The following IMMP2L variants were observed in gnomAD, a reference collection of about 807,000 sequenced individuals.
The protein encoded by IMMP2L is mitochondrial inner membrane protease subunit 2.
In IMMP2L, 18 loss-of-function variants were observed where a neutral mutation model predicts 19.3. The ratio of observed to expected loss-of-function variants is 0.93; its 90% CI spans 0.64 to 1.38. IMMP2L has a LOEUF of 1.38. Among genes scored for constraint, IMMP2L ranks in the 40% most tolerant of loss-of-function variants. IMMP2L has a pLI of 0.00. For missense variants in IMMP2L, 233 were observed against 218.2 expected (o/e 1.07, Z -0.43); for synonymous variants, 76 against 73.0 (o/e 1.04, Z -0.21).
rs766917793 is a variant in IMMP2L, at chr7:110,963,520, A to G, written c.285T>C (p.Ala95=). Residue 95 remains alanine (A), a synonymous_variant, in exon 4 of 6, where the codon GCT becomes GCC. Transcript: ENST00000405709. Reference sequence around the variant, plus strand: ...CTTACCTGACAATATCTCCTTCAAGAGCAATCACTCTCTTAATGATCTTCT... The same window carrying G: ...CTTACCTGACAATATCTCCTTCAAGGGCAATCACTCTCTTAATGATCTTCT... The part of the protein sequence containing the change: ...PEQKIIKRVI[A]LEGDIVRTIG... 1 of 1,603,476 alleles carries G rather than the reference A, an allele frequency of 6.2e-7. No individual in the cohort carries two copies. Among genetic ancestry groups the G allele is most frequent in the Non-Finnish European group, 8.5e-7 (1 of 1,172,438 alleles).
At chr7:111,393,818 T>C (rs894216830) in intron 3 of IMMP2L, among the ~76,000 whole-genome samples, 4 of 152,152 alleles carry the variant, frequency 2.6e-5, no homozygotes, top group African/African-American at 9.7e-5. Context: ...TGCAGACCCC[T>C]CCAAATCCTT....
At chr7:111,459,793 G>A (rs1421642237) in intron 3 of IMMP2L, among the ~76,000 whole-genome samples, 1 of 152,042 alleles carries the variant, frequency 6.6e-6, no homozygotes, top group Non-Finnish European at 1.5e-5. Flanking sequence ...AATTCACCGG[G>A]AACTCCCTCT....
intron 3 of IMMP2L, among the ~76,000 whole-genome samples, chr7:111,481,380 C>T (rs938860917): frequency 2.0e-5 from 3 of 152,146 alleles, no homozygotes; most frequent in African/African-American, 7.2e-5. Flanking sequence ...ATGTGAGGCA[C>T]TTCAAGCCTT....
intron 4 of IMMP2L, among the ~76,000 whole-genome samples, chr7:110,927,659 G>A (rs969914062): frequency 1.2e-4 from 19 of 152,046 alleles, no homozygotes; most frequent in Admixed American, 7.9e-4. Context: ...GAAAACGCAA[G>A]GAAACAGGTT....
intron 5 of IMMP2L, among the ~76,000 whole-genome samples, chr7:110,831,022 G>T (rs181241603): frequency 6.6e-6 from 1 of 152,272 alleles, no homozygotes; most frequent in African/African-American, 2.4e-5. Context: ...TGCTGGCCTG[G>T]CCCTGGGGGA....
intron 3 of IMMP2L, among the ~76,000 whole-genome samples, chr7:111,418,309 T>C (rs902826323): frequency 1.3e-5 from 2 of 151,782 alleles, no homozygotes; most frequent in Non-Finnish European, 2.9e-5. Context: ...AAAACCTTGA[T>C]CTGACCCTGA....
intron 5 of IMMP2L, among the ~76,000 whole-genome samples, chr7:110,857,107 T>G (rs1182716282): frequency 6.6e-6 from 1 of 152,102 alleles, no homozygotes; most frequent in African/African-American, 2.4e-5. Context: ...TAGCTATTTG[T>G]GTGCCATAGA....
intron 1 of IMMP2L, among the ~76,000 whole-genome samples, chr7:111,538,626 C>A (rs1848110643): frequency 7.1e-6 from 1 of 140,578 alleles, no homozygotes; most frequent in Admixed American, 7.0e-5. Flanking sequence ...TAGGAAGACC[C>A]TGTCTCTAAA....
chr7:111,223,554 T>C (rs1469550611), intron 3 of IMMP2L, among the ~76,000 whole-genome samples: 1 of 152,128 alleles, frequency 6.6e-6, no homozygotes, highest in Non-Finnish European at 1.5e-5. Context: ...CAAAACCCTT[T>C]TTCATTAATT....
At position 111,236,783 on chromosome 7, in the gene IMMP2L, G is replaced by GA. The variant is rs376925946; in HGVS notation, c.239+250454dup. On this transcript the variant is annotated intron_variant, in intron 3 of 5. Transcript: ENST00000405709. ...GTTCTCCTCCCTGTGCTGGGCCCTG[G>GA]AAAAACCTCTCAAGGCAATCAGCTG... 3.6e-3 allele frequency among the ~76,000 whole-genome samples: 540 copies of GA among 152,088 alleles called. 6 individuals carry two copies. The highest frequency in any genetic ancestry group is 0.012 in the African/African-American group (516 of 41,492).
At chr7:111,358,008 T>G (rs1461549008) in intron 3 of IMMP2L, among the ~76,000 whole-genome samples, 3 of 151,854 alleles carry the variant, frequency 2.0e-5, no homozygotes, top group Non-Finnish European at 2.9e-5. Flanking sequence ...TCTGGACTCT[T>G]TTGATACCCT....
intron 3 of IMMP2L, among the ~76,000 whole-genome samples, chr7:111,394,357 A>T (rs948366820): frequency 6.6e-6 from 1 of 152,154 alleles, no homozygotes; most frequent in Non-Finnish European, 1.5e-5. Context: ...CATTGATGAC[A>T]TCAACATCAT....
At chr7:111,327,380 A>G (rs756919047) in intron 3 of IMMP2L, among the ~76,000 whole-genome samples, 31 of 151,754 alleles carry the variant, frequency 2.0e-4, no homozygotes, top group Non-Finnish European at 3.2e-4. Context: ...CACATAGATC[A>G]TTATATATAA....
rs1216344779 is a variant in IMMP2L at position 111,549,487 on chromosome 7, T to G, written c.-3+12364A>C. 2.0e-5 allele frequency among the ~76,000 whole-genome samples: 3 copies of G among 152,192 alleles called. No homozygotes were observed. The East Asian group carries it at 5.8e-4, about 29-fold the overall frequency. On this transcript the variant is annotated intron_variant, in intron 1 of 5. Coordinates refer to ENST00000405709, the MANE Select transcript of IMMP2L (RefSeq NM_032549.4). ...ACTTTAACATCTGGATATTTATATT[T>G]AAAGCCTATTTTTTAACTTTTAATA...
intron 5 of IMMP2L, among the ~76,000 whole-genome samples, chr7:110,714,757 C>T (rs1032849999): frequency 5.9e-5 from 9 of 152,032 alleles, no homozygotes; most frequent in East Asian, 3.9e-4. Flanking sequence ...CCACCATGCC[C>T]AGCTAATTTT....
At chr7:110,846,348 CTTTTT>C (rs919194286) in intron 5 of IMMP2L, among the ~76,000 whole-genome samples, 5 of 126,438 alleles carry the variant, frequency 4.0e-5, no homozygotes, top group South Asian at 2.7e-4. Context: ...ACCCTGATTT[CTTTTT>C]TTTTTTTTTT....
At chr7:110,883,083 AT>A (rs1185276614) in intron 5 of IMMP2L, among the ~76,000 whole-genome samples, 1 of 151,946 alleles carries the variant, frequency 6.6e-6, no homozygotes, top group Non-Finnish European at 1.5e-5. Context: ...AAAAGTGAAC[AT>A]TTTTTTGCGC....
intron 3 of IMMP2L, among the ~76,000 whole-genome samples, chr7:111,356,491 G>T (rs959053829): frequency 6.6e-6 from 1 of 152,042 alleles, no homozygotes; most frequent in African/African-American, 2.4e-5. Context: ...GAGCATCCTC[G>T]GATTCTGGTA....
intron 5 of IMMP2L, among the ~76,000 whole-genome samples, chr7:110,859,662 G>C (rs555469217): frequency 6.6e-6 from 1 of 151,648 alleles, no homozygotes; most frequent in African/African-American, 2.4e-5. Flanking sequence ...AGGATCACTT[G>C]AGCCTGGGTG....
Sources: gnomAD v4.1 joint callset for allele counts (sites outside exome capture counted in the v4.1 genomes callset) on GRCh38, gnomAD v4.1.1 for gene constraint, MANE v1.5 for transcripts, NCBI Gene and HGNC (gene_info 2026-07-23, HGNC 2026-07-21) for gene names.